The following BTN1A1 variants were observed in gnomAD, a reference collection of about 807,000 sequenced individuals.
BTN1A1 encodes butyrophilin subfamily 1 member A1.
Under a neutral mutation model 33.1 loss-of-function variants are expected in BTN1A1, and 26 were observed. That is an observed-to-expected ratio of 0.79 (90% CI 0.58 to 1.09). BTN1A1 has a LOEUF of 1.09. BTN1A1 is among the 50% of genes least tolerant of loss of function. The pLI is 0.00. For missense variants in BTN1A1, 558 were observed against 655.7 expected, an observed-to-expected ratio of 0.85 and a Z score of 1.63; for synonymous variants, 235 against 256.2, an observed-to-expected ratio of 0.92 and a Z score of 0.79.
chr6:26,503,421 C>A (rs1037970566), intron 3 of BTN1A1, among the ~76,000 whole-genome samples: 2 of 150,674 alleles, frequency 1.3e-5, no homozygotes, highest in Non-Finnish European at 3.0e-5. Context: ...TGAGCTGAGA[C>A]TGCACTACTG....
rs1316560753 is a variant in BTN1A1 at position 26,501,487 on chromosome 6, G to C, written c.80-103G>C. 1 of 1,581,300 alleles carries C rather than the reference G, an allele frequency of 6.3e-7. No homozygotes were observed. The highest frequency in any genetic ancestry group is 8.7e-7 in the Non-Finnish European group (1 of 1,154,348). Reference sequence around the variant, plus strand: ...ATCCAGACAAACTCAGCTGTCAAAGGAGTAAGAGAGCGCGGGGCACTGCGC... The same window carrying C: ...ATCCAGACAAACTCAGCTGTCAAAGCAGTAAGAGAGCGCGGGGCACTGCGC... On this transcript the variant is annotated intron_variant, in intron 2 of 7. Coordinates refer to ENST00000684113, the MANE Select transcript of BTN1A1 (RefSeq NM_001732.3). The surrounding 1 kb of genome is among the most constrained non-coding windows in gnomAD (Gnocchi z 5.2).
chr6:26,504,363 C>A (rs1282305693), intron 3 of BTN1A1, among the ~76,000 whole-genome samples: 7 of 152,084 alleles, frequency 4.6e-5, no homozygotes, highest in African/African-American at 1.7e-4. Flanking sequence ...GCTGGCTGGA[C>A]AAGCACCCCC....
Position 26,506,849 on chromosome 6 carries a change from A to G in BTN1A1, c.859+17A>G, listed in dbSNP as rs770332934. 16 of 1,613,676 alleles carry G rather than the reference A, an allele frequency of 9.9e-6. No individual in the cohort carries two copies. In the South Asian group the frequency reaches 1.8e-4, roughly 18 times the overall value. On this transcript the variant is annotated intron_variant, in intron 5 of 7. Coordinates refer to ENST00000684113, the MANE Select transcript of BTN1A1 (RefSeq NM_001732.3). ...GCTCTAAAGGTAAACCATAGAATCCACAAGGGCTACGTGTCAGGAGTGCTT... is the reference window on the plus strand; with the variant it reads ...GCTCTAAAGGTAAACCATAGAATCCGCAAGGGCTACGTGTCAGGAGTGCTT...
chr6:26,501,387 G>A lies in BTN1A1; in HGVS notation c.79+22G>A. The A allele has an allele frequency of 6.3e-7, 1 of 1,597,796 alleles. No individual in the cohort carries two copies. Reference sequence around the variant, plus strand: ...TCAGGTAAGTCTCTCTCTCTCTCTGGGCTGCATAGTTGAAATATATCAATA... The same window carrying A: ...TCAGGTAAGTCTCTCTCTCTCTCTGAGCTGCATAGTTGAAATATATCAATA... On this transcript the variant is annotated intron_variant, in intron 2 of 7. Transcript: ENST00000684113. This position sits in a 1 kb window ranked among gnomAD's most constrained non-coding sequence, Gnocchi z 5.2.
chr6:26,502,079 C>A lies in BTN1A1; in HGVS notation c.427+142C>A, dbSNP rs1242204745. On this transcript the variant is annotated intron_variant, in intron 3 of 7. Transcript: ENST00000684113. ...CGCCGGGGAGGGACGACTATCTGGG[C>A]GGGAGGCGAGGGGGGGTAAAAGAAT... 3.2e-6 allele frequency: 4 copies of A among 1,267,254 alleles called. No homozygotes were observed. The African/African-American group carries it at 4.5e-5, about 14-fold the overall frequency. The allele number at this position is 1,267,254 out of a possible 1,614,324, so 78.5% of individuals were successfully genotyped here.
chr6:26,504,823 G>C, intron 3 of BTN1A1, 102 bp from the exon 4 acceptor site: 1 of 1,211,254 alleles, frequency 8.3e-7, no homozygotes, highest in Non-Finnish European at 1.2e-6. Flanking sequence ...TAGTCCACTT[G>C]TGCCTTTCTG....
chr6:26,506,215 T>C (rs1763868389), intron 4 of BTN1A1, among the ~76,000 whole-genome samples: 1 of 152,114 alleles, frequency 6.6e-6, no homozygotes. Flanking sequence ...GGGCTCTGTC[T>C]AGGTTTCCAG....
chr6:26,508,817 T>G lies in BTN1A1; in HGVS notation c.1224T>G (p.Pro408=). The G allele has an allele frequency of 6.2e-7, 1 of 1,614,160 alleles. No homozygotes were observed. The highest frequency in any genetic ancestry group is 8.5e-7 in the Non-Finnish European group (1 of 1,180,004). Residue 408 remains proline (P), a synonymous_variant, in exon 8 of 8, where the codon CCT becomes CCG. Coordinates refer to ENST00000684113, the MANE Select transcript of BTN1A1 (RefSeq NM_001732.3). Reference sequence around the variant, plus strand: ...GAAATGGGTACTGGGCCCTCACTCCTCTCCGGACCCCTCTCCCATTGGCAG... The same window carrying G: ...GAAATGGGTACTGGGCCCTCACTCCGCTCCGGACCCCTCTCCCATTGGCAG... ...LYGNGYWALT[P]LRTPLPLAGP...
intron 3 of BTN1A1, among the ~76,000 whole-genome samples, chr6:26,502,911 T>C (rs1343464987): frequency 6.6e-6 from 1 of 152,202 alleles, no homozygotes; most frequent in Non-Finnish European, 1.5e-5. Flanking sequence ...ATAATAAGCT[T>C]TGAGGAGGAA....
rs1763801465 is a variant in BTN1A1, at chr6:26,501,678, G to A, written c.168G>A (p.Ala56=). ...TGCCCTGTCGCCTGTCTCCGAACGC[G>A]AGCGCCGAGCACTTGGAGCTACGCT... ...AELPCRLSPN[A]SAEHLELRWF... The change falls in exon 3 of 8, where the codon GCG becomes GCA. Residue 56 remains alanine (A), a synonymous_variant. Transcript: ENST00000684113. This position sits in a 1 kb window ranked among gnomAD's most constrained non-coding sequence, Gnocchi z 5.2. 2.5e-6 allele frequency: 4 copies of A among 1,614,032 alleles called. No individual in the cohort carries two copies. Among genetic ancestry groups the A allele is most frequent in the Non-Finnish European group, 3.4e-6 (4 of 1,180,006 alleles).
chr6:26,503,629 TATATATTATCTAAATCTATATGC>T (rs1224089738), intron 3 of BTN1A1, among the ~76,000 whole-genome samples: 6 of 149,436 alleles, frequency 4.0e-5, no homozygotes, highest in African/African-American at 1.5e-4. Context: ...ATCATATATG[TATATATTATCTAAATCTATATGC>T]ATATATTATA....
Position 26,508,518 on chromosome 6 carries a change from C to G in BTN1A1, c.925C>G (p.Pro309Ala), listed in dbSNP as rs1288604362. Residue 309 changes from proline to alanine, a missense_variant, in exon 8 of 8, where the codon CCA becomes GCA. Transcript: ENST00000684113. The part of the protein sequence containing the change: ...TLHAVDVTLD[P>A]DTAHPHLFLY... ...CTCTCCAGTTGATGTGACTCTGGAC[C>G]CAGACACAGCTCATCCCCACCTCTT... The G allele has an allele frequency of 6.2e-7, 1 of 1,612,666 alleles. No individual in the cohort carries two copies. Among genetic ancestry groups the G allele is most frequent in the Non-Finnish European group, 8.5e-7 (1 of 1,179,288 alleles).
intron 3 of BTN1A1, among the ~76,000 whole-genome samples, chr6:26,502,530 A>G (rs1408069671): frequency 6.6e-6 from 1 of 152,248 alleles, no homozygotes; most frequent in Admixed American, 6.5e-5. Context: ...AGAACAGTGC[A>G]ATGTCTTTAT....
intron 4 of BTN1A1, among the ~76,000 whole-genome samples, chr6:26,505,447 T>C (rs1763856891): frequency 6.6e-6 from 1 of 152,188 alleles, no homozygotes; most frequent in African/African-American, 2.4e-5. Context: ...TTTGAGACAG[T>C]GTCTCACTCT....
In BTN1A1 at chr6:26,509,361, C is replaced by A; in HGVS notation, c.*187C>A. On this transcript the variant is annotated 3_prime_UTR_variant, in exon 8 of 8. Transcript: ENST00000684113. Reference sequence around the variant, plus strand: ...GCACCTTCCAAATCTGTTTCTGTACCAATATTTGGGGGATGGAGGGGTGAC... The same window carrying A: ...GCACCTTCCAAATCTGTTTCTGTACAAATATTTGGGGGATGGAGGGGTGAC... 3.3e-6 allele frequency: 2 copies of A among 607,574 alleles called. No homozygotes were observed. The highest frequency in any genetic ancestry group is 2.3e-5 in the South Asian group (1 of 44,374). 37.6% of individuals were successfully genotyped at this position (607,574 alleles called of 1,614,324 possible).
rs766878372 is a variant in BTN1A1 at position 26,505,128 on chromosome 6, A to G, written c.631A>G (p.Thr211Ala). The change falls in exon 4 of 8, where the codon ACT (threonine) becomes GCT (alanine). Residue 211 changes from threonine to alanine, a missense_variant. Physicochemically the swap from Thr to Ala is moderately conservative, Grantham distance 58 (BLOSUM62 0). Coordinates refer to ENST00000684113, the MANE Select transcript of BTN1A1 (RefSeq NM_001732.3). ...GGCTGCTTCAGTGATCATCAGAGAC[A>G]CTTCTGCGAAAAATGTGTCCTGCTA... Reference protein sequence around the residue: ...TVAASVIIRDTSAKNVSCYIQ... With the variant: ...TVAASVIIRDASAKNVSCYIQ... 6.2e-7 allele frequency: 1 copy of G among 1,614,002 alleles called. No homozygotes were observed. Among genetic ancestry groups the G allele is most frequent in the South Asian group, 1.1e-5 (1 of 91,068 alleles).
chr6:26,500,995 A>G (rs961024237), intron 1 of BTN1A1, among the ~76,000 whole-genome samples: 9 of 152,190 alleles, frequency 5.9e-5, no homozygotes, highest in African/African-American at 2.2e-4. Context: ...TATGCAACCA[A>G]CTAATGAGTG....
chr6:26,508,153 T>C (rs1468726990), intron 7 of BTN1A1, 66 bp downstream of exon 7: 2 of 1,505,550 alleles, frequency 1.3e-6, no homozygotes, highest in Admixed American at 4.3e-5. Flanking sequence ...AGTGCTATGA[T>C]ACTTGGAAAT....
Position 26,505,148 on chromosome 6 carries a change from CTGCTACATCCAGAATCTCCTTCT to C in BTN1A1, c.654_676del (p.Cys218TrpfsTer57), listed in dbSNP as rs774016113. Reference sequence around the variant, plus strand: ...GAGACACTTCTGCGAAAAATGTGTCCTGCTACATCCAGAATCTCCTTCTTGGCCAGGAGAAGAAAGTAGAAATA... The same window carrying C: ...GAGACACTTCTGCGAAAAATGTGTCCTGGCCAGGAGAAGAAAGTAGAAATA... On this transcript the variant is annotated frameshift_variant, in exon 4 of 8. Coordinates refer to ENST00000684113, the MANE Select transcript of BTN1A1 (RefSeq NM_001732.3). LOFTEE classifies it high-confidence loss of function. The C allele has an allele frequency of 3.7e-6, 6 of 1,613,802 alleles. No homozygotes were observed. In the African/African-American group the frequency reaches 8.0e-5, roughly 22 times the overall value.
Sources: allele counts gnomAD v4.1 joint callset (sites outside exome capture counted in the v4.1 genomes callset), GRCh38; gene constraint gnomAD v4.1.1; non-coding constraint Gnocchi (gnomAD v3.1); transcripts MANE v1.5; gene names NCBI Gene and HGNC (gene_info 2026-07-23, HGNC 2026-07-21).